EPB41L1: variants seen among roughly 807,000 people sequenced by gnomAD.
EPB41L1 encodes the protein band 4.1-like protein 1.
Under a neutral mutation model 97.8 loss-of-function variants are expected in EPB41L1, and 29 were observed. The ratio of observed to expected loss-of-function variants is 0.30; its 90% CI spans 0.22 to 0.40. EPB41L1 has a LOEUF of 0.40. Among genes scored for constraint, EPB41L1 ranks in the 10% least tolerant of loss-of-function variants. EPB41L1 has a pLI of 1.00. For missense variants in EPB41L1, 812 were observed against 1,162.3 expected, an observed-to-expected ratio of 0.70 and a Z score of 4.38; for synonymous variants, 383 against 459.2, an observed-to-expected ratio of 0.83 and a Z score of 2.12.
At chr20:36,177,658 A>T (rs901740486) in intron 3 of EPB41L1, among the ~76,000 whole-genome samples, 33 of 152,160 alleles carry the variant, frequency 2.2e-4, no homozygotes, top group Non-Finnish European at 5.9e-5. Flanking sequence ...AAGGAAGGAG[A>T]AAGCCGTCAC....
At chr20:36,101,068 TAAA>T (rs1247354739) in intron 1 of EPB41L1, among the ~76,000 whole-genome samples, 1 of 152,188 alleles carries the variant, frequency 6.6e-6, no homozygotes, top group Non-Finnish European at 1.5e-5. Context: ...GTCTTCCACT[TAAA>T]GAAGCATATC....
Position 36,221,928 on chromosome 20 carries a change from A to C in EPB41L1, c.2504A>C (p.Asp835Ala). The C allele has an allele frequency of 6.2e-7, 1 of 1,614,154 alleles. No individual in the cohort carries two copies. Among genetic ancestry groups the C allele is most frequent in the Non-Finnish European group, 8.5e-7 (1 of 1,180,024 alleles). ...EKRIIITGDE[D>A]VDQDQALALA... ...CGAATCATCATTACTGGGGATGAAG[A>C]TGTCGATCAAGACCAGGTATGGGGG... The change falls in exon 20 of 22, where the codon GAT becomes GCT. Residue 835 changes from aspartate to alanine, a missense_variant. Coordinates refer to ENST00000338074, the MANE Select transcript of EPB41L1 (RefSeq NM_012156.2).
chr20:36,220,139 G>A (rs981550090), intron 19 of EPB41L1, among the ~76,000 whole-genome samples: 2 of 152,272 alleles, frequency 1.3e-5, no homozygotes, highest in African/African-American at 4.8e-5. Context: ...TCTAGACGGG[G>A]TGACATATGG....
intron 7 of EPB41L1, among the ~76,000 whole-genome samples, chr20:36,187,046 A>G (rs1169486442): frequency 6.6e-6 from 1 of 152,210 alleles, no homozygotes; most frequent in East Asian, 1.9e-4. Context: ...CCTATCTTAC[A>G]GAGTTGTTAT....
In EPB41L1 at chr20:36,206,186, T is replaced by C; in HGVS notation, c.1669-3302T>C. On this transcript the variant is annotated intron_variant, in intron 14 of 21. Coordinates refer to ENST00000338074, the MANE Select transcript of EPB41L1 (RefSeq NM_012156.2). This position sits in a 1 kb window ranked among gnomAD's most constrained non-coding sequence, Gnocchi z 5.5. ...TCCGGCCGCACATTGGCAGAAAAGC[T>C]CCTCGAGGGCTCTGAGCTCAGGGCA... is the stretch of plus-strand genomic sequence containing the variant. 2 of 1,289,824 alleles carry C rather than the reference T, an allele frequency of 1.6e-6. No homozygotes were observed. Among genetic ancestry groups the C allele is most frequent in the Non-Finnish European group, 2.0e-6 (2 of 988,884 alleles). The allele number at this position is 1,289,824 out of a possible 1,614,324, so 79.9% of individuals were successfully genotyped here.
intron 2 of EPB41L1, among the ~76,000 whole-genome samples, chr20:36,114,132 T>C (rs1393139679): frequency 6.6e-6 from 1 of 152,228 alleles, no homozygotes. Context: ...CCCTCATTTC[T>C]CCTTCTGTAG....
chr20:36,130,449 C>T (rs779509300), intron 2 of EPB41L1, among the ~76,000 whole-genome samples: 89 of 152,246 alleles, frequency 5.8e-4, no homozygotes, highest in Non-Finnish European at 3.5e-4. Flanking sequence ...AATGTTGTAT[C>T]GGAAGCTGCC....
rs115705344 is a variant in EPB41L1 at position 36,112,058 on chromosome 20, C to T, written c.-64-368C>T. ...TCTGTCTCTTCTGCAACCACCCTAG[C>T]TTAGGCCCTCATCATATCTCCGCTG... On this transcript the variant is annotated intron_variant, in intron 1 of 19. Transcript: ENST00000202028. Among the ~76,000 whole-genome samples the T allele has an allele frequency of 5.7e-3, 872 of 152,262 alleles. 8 individuals are homozygous for T. The highest frequency in any genetic ancestry group is 0.019 in the African/African-American group (796 of 41,544).
At chr20:36,134,398 G>C (rs1307698182) in intron 2 of EPB41L1, among the ~76,000 whole-genome samples, 1 of 152,186 alleles carries the variant, frequency 6.6e-6, no homozygotes, top group Non-Finnish European at 1.5e-5. Flanking sequence ...ATGTACACGA[G>C]GGGTGGGATT....
intron 2 of EPB41L1, among the ~76,000 whole-genome samples, chr20:36,117,636 AG>A (rs1445397048): frequency 6.7e-6 from 1 of 148,762 alleles, no homozygotes; most frequent in African/African-American, 2.6e-5. Context: ...GGCTCAGAGA[AG>A]GTAAGTAACT....
intron 1 of EPB41L1, among the ~76,000 whole-genome samples, chr20:36,165,617 T>G (rs1310349104): frequency 2.6e-5 from 4 of 152,126 alleles, no homozygotes; most frequent in Non-Finnish European, 5.9e-5. Flanking sequence ...GAGAATTGCT[T>G]GAACCAGGGA....
chr20:36,160,792 C>A (rs1476242997), intron 1 of EPB41L1, among the ~76,000 whole-genome samples: 1 of 152,152 alleles, frequency 6.6e-6, no homozygotes, highest in Non-Finnish European at 1.5e-5. Flanking sequence ...TGTAACTACA[C>A]ATTGACATCT....
chr20:36,163,901 G>C (rs557297419), intron 1 of EPB41L1, among the ~76,000 whole-genome samples: 74 of 152,156 alleles, frequency 4.9e-4, no homozygotes, highest in African/African-American at 1.7e-3. Flanking sequence ...CTGTCGTCCA[G>C]GCTAGAGTGC....
rs979187607 is a variant in EPB41L1 at position 36,229,560 on chromosome 20, G to C, written c.*220G>C. ...CATCCTTGCACTGCTGCTGGGGCTG[G>C]CAGAGCAGTTGGCTGACAGCAACAA... On this transcript the variant is annotated 3_prime_UTR_variant, in exon 22 of 22. Coordinates refer to ENST00000338074, the MANE Select transcript of EPB41L1 (RefSeq NM_012156.2). 7.2e-5 allele frequency: 30 copies of C among 419,480 alleles called. No homozygotes were observed. The highest frequency in any genetic ancestry group is 1.5e-4 in the South Asian group (2 of 13,260). The allele number at this position is 419,480 out of a possible 1,614,324, so 26.0% of individuals were successfully genotyped here. A position where few individuals can be genotyped will look rare whatever the true frequency, so the allele number is the denominator to read the frequency against.
chr20:36,201,673 C>A (rs2062505232), intron 14 of EPB41L1, among the ~76,000 whole-genome samples: 1 of 152,228 alleles, frequency 6.6e-6, no homozygotes, highest in African/African-American at 2.4e-5. Context: ...AATGAGGAGG[C>A]CATTGCTTCT....
At chr20:36,218,387 C>G (rs966887912) in intron 17 of EPB41L1, among the ~76,000 whole-genome samples, 1 of 152,118 alleles carries the variant, frequency 6.6e-6, no homozygotes, top group Non-Finnish European at 1.5e-5. Flanking sequence ...CAGCTTATGC[C>G]CCTATATTTA....
chr20:36,125,652 G>A, intron 2 of EPB41L1: 4 of 1,434,412 alleles, frequency 2.8e-6, no homozygotes, highest in Admixed American at 2.2e-5. Flanking sequence ...ACGGCAAGGA[G>A]GCAAGTGGAG....
At chr20:36,163,871 T>A (rs6121171) in intron 1 of EPB41L1, among the ~76,000 whole-genome samples, 14,628 of 152,002 alleles carry the variant, frequency 0.096, 908 homozygotes, top group African/African-American at 0.17. Flanking sequence ...CTTTATTATT[T>A]TTTTTTTAAG....
intron 2 of EPB41L1, among the ~76,000 whole-genome samples, chr20:36,133,742 A>T (rs2059309713): frequency 6.6e-6 from 1 of 152,034 alleles, no homozygotes; most frequent in South Asian, 2.1e-4. Flanking sequence ...CTGTGGTCCC[A>T]ACTACTCAGG....
Sources: gnomAD v4.1 joint callset for allele counts (sites outside exome capture counted in the v4.1 genomes callset) on GRCh38, gnomAD v4.1.1 for gene constraint, Gnocchi (gnomAD v3.1) non-coding constraint, MANE v1.5 for transcripts, NCBI Gene and HGNC (gene_info 2026-07-23, HGNC 2026-07-21) for gene names.